PPP4R2: variants seen among roughly 807,000 people sequenced by gnomAD.
The protein encoded by PPP4R2 is serine/threonine-protein phosphatase 4 regulatory subunit 2.
Under a neutral mutation model 47.2 loss-of-function variants are expected in PPP4R2, and 13 were observed. The observed-to-expected ratio is 0.28, with a 90% CI of 0.18 to 0.44. PPP4R2 has a LOEUF of 0.44. Ranked by LOEUF, PPP4R2 falls within the 20% of genes least tolerant of loss-of-function variation. PPP4R2 has a pLI of 1.00. For synonymous variants in PPP4R2, 151 were observed against 163.3 expected (o/e 0.92, Z 0.57); for missense variants, 421 against 491.2 (o/e 0.86, Z 1.35).
chr3:73,057,676 T>G (rs1484454687), intron 3 of PPP4R2, among the ~76,000 whole-genome samples: 2 of 152,114 alleles, frequency 1.3e-5, no homozygotes, highest in Admixed American at 1.3e-4. Context: ...TCTTATACTT[T>G]GAACATAAGA....
rs373842049 is a variant in PPP4R2 at position 73,063,338 on chromosome 3, A to AAAAAG, written c.420-333_420-332insAAGAA. The AAAAAG allele has an allele frequency of 3.9e-3, 680 of 172,742 alleles. 27 individuals carry two copies. The highest frequency in any genetic ancestry group is 0.01 in the East Asian group (58 of 5,686). The allele number at this position is 172,742 out of a possible 1,614,324, so 10.7% of individuals were successfully genotyped here. Reference sequence around the variant, plus strand: ...TTATTTAAAAAAAAAAAAAAAAAAAAAAGTCCAGGTGTGGTGGCTTAACGC... The same window carrying AAAAAG: ...TTATTTAAAAAAAAAAAAAAAAAAAAAAAAGAAGTCCAGGTGTGGTGGCTTAACGC... On this transcript the variant is annotated intron_variant, in intron 5 of 8. Transcript: ENST00000356692.
chr3:73,002,229 G>A (rs1701481831), intron 2 of PPP4R2, among the ~76,000 whole-genome samples: 1 of 152,064 alleles, frequency 6.6e-6, no homozygotes, highest in East Asian at 1.9e-4. Context: ...TTCCATTGAT[G>A]GGAACTCAGG....
Position 72,996,840 on chromosome 3 carries a change from G to C in PPP4R2, c.-198G>C, listed in dbSNP as rs563461603. 1 of 398,336 alleles carries C rather than the reference G, an allele frequency of 2.5e-6. No homozygotes were observed. Among genetic ancestry groups the C allele is most frequent in the Non-Finnish European group, 4.5e-6 (1 of 223,764 alleles). The allele number at this position is 398,336 out of a possible 1,614,324, so 24.7% of individuals were successfully genotyped here. A position where few individuals can be genotyped will look rare whatever the true frequency, so the allele number is the denominator to read the frequency against. On this transcript the variant is annotated 5_prime_UTR_variant, in exon 1 of 9. Transcript: ENST00000356692. ...GCCATGTTGGAGGGTTGGTGGTAGC[G>C]GCTTGGGGAGGTGCTCGCTCTGTCG...
chr3:73,050,948 C>T (rs1702599724), intron 3 of PPP4R2, among the ~76,000 whole-genome samples: 1 of 152,048 alleles, frequency 6.6e-6, no homozygotes, highest in Non-Finnish European at 1.5e-5. Flanking sequence ...GAGTTTCGCT[C>T]TTGCTGCTCA....
intron 3 of PPP4R2, among the ~76,000 whole-genome samples, chr3:73,049,867 A>T (rs1219955267): frequency 6.6e-6 from 1 of 151,978 alleles, no homozygotes; most frequent in Non-Finnish European, 1.5e-5. Context: ...AAATGATTTG[A>T]ACAGTCATTA....
In PPP4R2 at chr3:73,067,381, AT is replaced by A. The variant is rs1313590369; in HGVS notation, c.*1660del. ...ACTACTTAAATCATCATGGCTATAA[AT>A]ACCAAAACGATTTGGATCCATTTAT... On this transcript the variant is annotated 3_prime_UTR_variant, in exon 9 of 9. Transcript: ENST00000356692. 1.3e-5 allele frequency: 2 copies of A among 152,138 alleles called. No homozygotes were observed. The highest frequency in any genetic ancestry group is 2.9e-5 in the Non-Finnish European group (2 of 67,980). 9.4% of individuals were successfully genotyped at this position (152,138 alleles called of 1,614,324 possible). A position where few individuals can be genotyped will look rare whatever the true frequency, so the allele number is the denominator to read the frequency against.
chr3:73,020,474 G>T (rs547962106), intron 2 of PPP4R2, among the ~76,000 whole-genome samples: 1 of 152,078 alleles, frequency 6.6e-6, no homozygotes, highest in East Asian at 1.9e-4. Flanking sequence ...ACCAGCCTGG[G>T]TAACATAACA....
intron 1 of PPP4R2, 194 bp downstream of exon 1, chr3:72,997,265 G>A (rs1407742984): frequency 2.3e-6 from 1 of 425,890 alleles, no homozygotes; most frequent in East Asian, 3.6e-5. Context: ...CTCTGGCTTT[G>A]TGTCGGCCGC....
intron 3 of PPP4R2, among the ~76,000 whole-genome samples, chr3:73,053,125 G>C (rs1465591155): frequency 2.0e-5 from 3 of 152,166 alleles, no homozygotes; most frequent in Admixed American, 1.3e-4. Flanking sequence ...GTGCTCCCCA[G>C]TTGCCTGGGG....
At chr3:73,028,251 C>T (rs564483740) in intron 2 of PPP4R2, among the ~76,000 whole-genome samples, 17 of 95,152 alleles carry the variant, frequency 1.8e-4, no homozygotes, top group African/African-American at 2.6e-4. Context: ...AGCAAGACTC[C>T]GTCTCAAAAA....
chr3:73,027,668 GTGTGTGTGTGTGTGTGTT>G (rs1039224658), intron 2 of PPP4R2: 28 of 148,818 alleles, frequency 1.9e-4, no homozygotes, highest in Non-Finnish European at 2.9e-4. Flanking sequence ...AGGTGTGTGT[GTGTGTGTGTGTGTGTGTT>G]TGTGTGTGTG....
chr3:73,007,798 T>C (rs1701643530), intron 2 of PPP4R2, among the ~76,000 whole-genome samples: 1 of 152,070 alleles, frequency 6.6e-6, no homozygotes, highest in African/African-American at 2.4e-5. Context: ...CTCTATGGGG[T>C]TTCTTAAGAG....
At chr3:73,044,268 A>G (rs1702438115) in intron 2 of PPP4R2, among the ~76,000 whole-genome samples, 1 of 152,068 alleles carries the variant, frequency 6.6e-6, no homozygotes, top group South Asian at 2.1e-4. Context: ...ACTGCTTTCC[A>G]CAGTGACTGC....
rs775390979 is a variant in PPP4R2 at position 73,062,480 on chromosome 3, T to A, written c.420-1193T>A. On this transcript the variant is annotated intron_variant, in intron 5 of 8. Transcript: ENST00000356692. The stretch of plus-strand genomic sequence containing the variant: ...GTTTAGTATTCTTGTGTTTCATATT[T>A]GATGGGTTACACCAGGCATTACTGA... The A allele has an allele frequency of 1.8e-5, 29 of 1,613,236 alleles. No homozygotes were observed. The South Asian group carries it at 2.9e-4, about 16-fold the overall frequency.
chr3:72,997,175 G>A, intron 1 of PPP4R2, 104 bp downstream of exon 1: 2 of 930,132 alleles, frequency 2.2e-6, no homozygotes, highest in Non-Finnish European at 2.9e-6. Flanking sequence ...GCGCGGCGTG[G>A]GGAGAGTGCT....
intron 3 of PPP4R2, among the ~76,000 whole-genome samples, chr3:73,047,943 C>T (rs1296312505): frequency 1.3e-5 from 2 of 152,244 alleles, no homozygotes; most frequent in African/African-American, 4.8e-5. Context: ...GTGGCGTGAT[C>T]TTGGCTCGCT....
intron 2 of PPP4R2, among the ~76,000 whole-genome samples, chr3:73,024,361 T>TC (rs1702017672): frequency 6.6e-6 from 1 of 152,166 alleles, no homozygotes; most frequent in Non-Finnish European, 1.5e-5. Flanking sequence ...TAGTGATCTG[T>TC]CTTAGGAGGA....
intron 2 of PPP4R2, among the ~76,000 whole-genome samples, chr3:73,020,124 GGCTGGCAGTCTAAGATAAGTGT>G (rs1379150438): frequency 1.3e-5 from 2 of 152,154 alleles, no homozygotes; most frequent in African/African-American, 4.8e-5. Context: ...TGGTTTTGGA[GGCTGGCAGTCTAAGATAAGTGT>G]GCCAGCATAG....
chr3:72,997,737 G>A (rs1480312385), intron 1 of PPP4R2, among the ~76,000 whole-genome samples: 1 of 152,140 alleles, frequency 6.6e-6, no homozygotes, highest in Non-Finnish European at 1.5e-5. Flanking sequence ...GGACTTAGAT[G>A]AACAATTGGT....
Sources: gnomAD v4.1 joint callset for allele counts (sites outside exome capture counted in the v4.1 genomes callset) on GRCh38, gnomAD v4.1.1 for gene constraint, MANE v1.5 for transcripts, NCBI Gene and HGNC (gene_info 2026-07-23, HGNC 2026-07-21) for gene names.